The following CCDC73 variants were observed in gnomAD, a reference collection of about 807,000 sequenced individuals.
The protein encoded by CCDC73 is coiled-coil domain containing 73, also known as coiled-coil domain-containing protein 73.
Under a neutral mutation model 116.5 loss-of-function variants are expected in CCDC73, and 95 were observed. That is an observed-to-expected ratio of 0.82 (90% CI 0.69 to 0.97). The LOEUF (loss-of-function observed/expected upper bound fraction) is 0.97, where lower values mean the gene tolerates loss of function less well. CCDC73 is among the 50% of genes least tolerant of loss of function. CCDC73 has a pLI of 0.00. For missense variants in CCDC73, 1,066 were observed against 1,206.8 expected (o/e 0.88, Z 1.73); for synonymous variants, 398 against 401.3 (o/e 0.99, Z 0.10).
chr11:32,651,715 T>C (rs902881401), intron 12 of CCDC73, among the ~76,000 whole-genome samples: 3 of 152,202 alleles, frequency 2.0e-5, no homozygotes, highest in African/African-American at 7.2e-5. Context: ...CAGAAGGCCA[T>C]TCTGAGTGTG....
At chr11:32,681,944 C>T (rs1856149376) in intron 7 of CCDC73, 1 of 151,510 alleles carries the variant, frequency 6.6e-6, no homozygotes, top group Non-Finnish European at 1.5e-5. Context: ...AATATATATA[C>T]CAACATATAA....
intron 9 of CCDC73, among the ~76,000 whole-genome samples, chr11:32,655,519 C>G (rs1212203896): frequency 6.6e-6 from 1 of 152,042 alleles, no homozygotes; most frequent in African/African-American, 2.4e-5. Flanking sequence ...TCTACATGCA[C>G]AAAGCCACAG....
At chr11:32,717,867 G>C (rs1849959082) in intron 3 of CCDC73, among the ~76,000 whole-genome samples, 1 of 152,140 alleles carries the variant, frequency 6.6e-6, no homozygotes, top group African/African-American at 2.4e-5. Context: ...TTTACAAGGT[G>C]ACAGAAAGGA....
intron 2 of CCDC73, among the ~76,000 whole-genome samples, chr11:32,740,181 T>C (rs1201182664): frequency 1.3e-5 from 2 of 152,076 alleles, no homozygotes; most frequent in Non-Finnish European, 2.9e-5. Flanking sequence ...TCTGGTTTGG[T>C]ATCAGTGTAA....
chr11:32,707,138 C>T (rs111959449), intron 3 of CCDC73, among the ~76,000 whole-genome samples: 4,542 of 152,016 alleles, frequency 0.03, 88 homozygotes, highest in Non-Finnish European at 0.039. Context: ...AGAACTAAAG[C>T]CAATAGTCCA....
chr11:32,691,080 T>C (rs1252945350), intron 6 of CCDC73, among the ~76,000 whole-genome samples: 1 of 151,926 alleles, frequency 6.6e-6, no homozygotes, highest in Non-Finnish European at 1.5e-5. Context: ...GTCTCACTCT[T>C]GTCCCCCAGG....
chr11:32,606,944 T>C, intron 17 of CCDC73, among the ~76,000 whole-genome samples: 1 of 150,070 alleles, frequency 6.7e-6, no homozygotes, highest in South Asian at 2.1e-4. Context: ...ACCCGGACAG[T>C]TTTTGTATTT....
the CCDC73 span, among the ~76,000 whole-genome samples, chr11:32,822,279 A>T: frequency 6.6e-6 from 1 of 152,208 alleles, no homozygotes; most frequent in Non-Finnish European, 1.5e-5. Context: ...CATTCATGCA[A>T]ATACATACAG....
At chr11:32,640,469 T>C (rs1161344226) in intron 13 of CCDC73, among the ~76,000 whole-genome samples, 2 of 152,200 alleles carry the variant, frequency 1.3e-5, no homozygotes, top group African/African-American at 2.4e-5. Context: ...CAGTTTTCCT[T>C]ATCCTGATAG....
chr11:32,658,282 T>G lies in CCDC73; in HGVS notation c.646-3310A>C, dbSNP rs371849714. On this transcript the variant is annotated intron_variant, in intron 9 of 17. Coordinates refer to ENST00000335185, the MANE Select transcript of CCDC73 (RefSeq NM_001008391.4). ...TTCATTAATCTTTTCTCAATTACCA[T>G]TCCACCGTGCCACCTCTTTCCTGGT... Among the ~76,000 whole-genome samples the G allele has an allele frequency of 7.4e-4, 113 of 152,276 alleles. 1 individual carries two copies. The South Asian group carries it at 0.02, about 27-fold the overall frequency.
chr11:32,730,225 T>C (rs1850063571), intron 2 of CCDC73, among the ~76,000 whole-genome samples: 2 of 152,210 alleles, frequency 1.3e-5, no homozygotes, highest in Admixed American at 6.5e-5. Context: ...ATCCCCTAAA[T>C]TTCTCATGCA....
chr11:32,665,597 C>A (rs1248856147), intron 9 of CCDC73, among the ~76,000 whole-genome samples: 3 of 152,110 alleles, frequency 2.0e-5, no homozygotes, highest in Non-Finnish European at 4.4e-5. Context: ...ACTGATGGGT[C>A]TTGACTCTTT....
At chr11:32,738,775 G>C (rs1464756096) in intron 2 of CCDC73, among the ~76,000 whole-genome samples, 2 of 152,090 alleles carry the variant, frequency 1.3e-5, no homozygotes, top group Non-Finnish European at 2.9e-5. Flanking sequence ...TCTCTGCCCA[G>C]TCCAATGTCC....
intron 14 of CCDC73, among the ~76,000 whole-genome samples, chr11:32,633,353 G>A (rs183060608): frequency 4.0e-4 from 61 of 152,228 alleles, no homozygotes; most frequent in Admixed American, 3.2e-3. Context: ...ATAATAATAA[G>A]AGAATATTAT....
rs190298706 is a variant in CCDC73, at chr11:32,783,868, C to A, written c.-16+10745G>T. Among the ~76,000 whole-genome samples, 14 of 152,242 alleles carry A rather than the reference C, an allele frequency of 9.2e-5. No homozygotes were observed. The East Asian group carries it at 1.7e-3, about 19-fold the overall frequency. ...ACGGTGGAGGACAGCAAGAGGACAC[C>A]TGTACGAAGACAGAGAGCAACCAGT... On this transcript the variant is annotated intron_variant, in intron 1 of 17. Coordinates refer to ENST00000335185, the MANE Select transcript of CCDC73 (RefSeq NM_001008391.4).
chr11:32,830,342 G>A, the CCDC73 span, among the ~76,000 whole-genome samples: 3 of 152,240 alleles, frequency 2.0e-5, no homozygotes, highest in Non-Finnish European at 4.4e-5. Context: ...GGCGCTCTCA[G>A]GGGCTGCTTC....
intron 6 of CCDC73, among the ~76,000 whole-genome samples, chr11:32,695,930 G>C (rs574166115): frequency 1.6e-3 from 246 of 151,348 alleles, no homozygotes; most frequent in African/African-American, 5.7e-3. Flanking sequence ...GAGCTACAAT[G>C]GTCATTTCTG....
At chr11:32,726,073 A>G in intron 2 of CCDC73, among the ~76,000 whole-genome samples, 1 of 152,210 alleles carries the variant, frequency 6.6e-6, no homozygotes, top group Middle Eastern at 3.2e-3. Flanking sequence ...TCCAACTTCC[A>G]GAAGCAAAAG....
intron 14 of CCDC73, among the ~76,000 whole-genome samples, chr11:32,626,947 T>C (rs1855580150): frequency 6.6e-6 from 1 of 152,220 alleles, no homozygotes; most frequent in Admixed American, 6.5e-5. Flanking sequence ...CCAAAAGCAA[T>C]GGCAACAAAA....
Sources: gnomAD v4.1 joint callset for allele counts (sites outside exome capture counted in the v4.1 genomes callset) on GRCh38, gnomAD v4.1.1 for gene constraint, MANE v1.5 for transcripts, NCBI Gene and HGNC (gene_info 2026-07-23, HGNC 2026-07-21) for gene names.